Variants in BCKDHB observed in about 807,000 individuals in gnomAD.
The protein encoded by BCKDHB is 2-oxoisovalerate dehydrogenase subunit beta, mitochondrial.
A neutral mutation model predicts 48.5 loss-of-function variants in BCKDHB; 41 were observed. The observed-to-expected ratio is 0.85, with a 90% CI of 0.66 to 1.10. BCKDHB has a LOEUF of 1.10. BCKDHB is among the 50% of genes least tolerant of loss of function. The probability of loss-of-function intolerance (pLI) is 0.00; values close to 1 mark genes in which losing one functional copy is unlikely to be tolerated. For missense variants in BCKDHB, 496 were observed against 494.2 expected, an observed-to-expected ratio of 1.00 and a Z score of -0.03; for synonymous variants, 201 against 174.8, an observed-to-expected ratio of 1.15 and a Z score of -1.18.
chr6:80,115,319 C>T (rs144492849), intron 1 of BCKDHB, among the ~76,000 whole-genome samples: 43 of 152,194 alleles, frequency 2.8e-4, no homozygotes, highest in African/African-American at 8.4e-4. Context: ...GGCCCATTTA[C>T]ATTTTAATAC....
rs534807352 is a variant in BCKDHB, at chr6:80,164,822, G to A, written c.344-2856G>A. On this transcript the variant is annotated intron_variant, in intron 3 of 9. Transcript: ENST00000320393. ...TTTCATCTATCAGGACACTTACAGG[G>A]TACTACAGGAACTTTACATTGGATG... is the stretch of plus-strand genomic sequence containing the variant. 5.9e-5 allele frequency among the ~76,000 whole-genome samples: 9 copies of A among 152,184 alleles called. 1 individual carries two copies. In the South Asian group the frequency reaches 1.5e-3, roughly 25 times the overall value.
At chr6:80,248,527 G>A (rs1776705185) in intron 8 of BCKDHB, among the ~76,000 whole-genome samples, 2 of 152,138 alleles carry the variant, frequency 1.3e-5, no homozygotes, top group South Asian at 4.1e-4. Context: ...GTATTGCTGG[G>A]ATATGGTATG....
chr6:80,258,467 C>T (rs1777151337), intron 8 of BCKDHB, among the ~76,000 whole-genome samples: 1 of 152,234 alleles, frequency 6.6e-6, no homozygotes, highest in Non-Finnish European at 1.5e-5. Context: ...AACATCTTTT[C>T]ATCACTGGCC....
chr6:80,167,550 T>C, intron 3 of BCKDHB, 128 bp from the exon 4 acceptor site: 1 of 1,046,894 alleles, frequency 9.6e-7, no homozygotes, highest in African/African-American at 1.6e-5. Flanking sequence ...CCATACTCTT[T>C]ATTTTCTGTT....
At chr6:80,316,615 A>C (rs1203102248) in intron 9 of BCKDHB, among the ~76,000 whole-genome samples, 1 of 152,196 alleles carries the variant, frequency 6.6e-6, no homozygotes, top group African/African-American at 2.4e-5. Flanking sequence ...CCCACAAGGA[A>C]TTCTTAAAGG....
chr6:80,159,304 AC>A (rs369956555), intron 3 of BCKDHB, among the ~76,000 whole-genome samples: 76 of 152,276 alleles, frequency 5.0e-4, no homozygotes, highest in African/African-American at 1.7e-3. Context: ...ACCCAAAAAA[AC>A]AACAAAAAAA....
chr6:80,379,061 A>T, the BCKDHB span, among the ~76,000 whole-genome samples: 1 of 152,124 alleles, frequency 6.6e-6, no homozygotes, highest in Non-Finnish European at 1.5e-5. Flanking sequence ...CAAAAAATTA[A>T]GGAGTAGGGA....
chr6:80,178,393 A>T (rs1437713076), intron 6 of BCKDHB, among the ~76,000 whole-genome samples: 1 of 152,226 alleles, frequency 6.6e-6, no homozygotes, highest in Non-Finnish European at 1.5e-5. Flanking sequence ...TAGAGAAGAG[A>T]TGCCTCTTTT....
intron 9 of BCKDHB, among the ~76,000 whole-genome samples, chr6:80,325,594 TG>T (rs1338151911): frequency 3.3e-5 from 5 of 152,232 alleles, no homozygotes. Flanking sequence ...AAATGACACA[TG>T]TTTGAGTTAA....
chr6:80,243,354 G>A (rs937825243), intron 8 of BCKDHB, among the ~76,000 whole-genome samples: 4 of 152,170 alleles, frequency 2.6e-5, no homozygotes, highest in African/African-American at 9.6e-5. Flanking sequence ...GAGCCCTATG[G>A]TTCCTGACAT....
intron 3 of BCKDHB, among the ~76,000 whole-genome samples, chr6:80,162,329 A>G (rs767709739): frequency 9.9e-5 from 15 of 152,264 alleles, no homozygotes; most frequent in Non-Finnish European, 1.9e-4. Context: ...TCCATGTACC[A>G]CCATCAATGC....
At chr6:80,217,933 G>T (rs1191543495) in intron 8 of BCKDHB, among the ~76,000 whole-genome samples, 10 of 152,156 alleles carry the variant, frequency 6.6e-5, no homozygotes, top group African/African-American at 1.9e-4. Context: ...CATCAAAGTT[G>T]GGGAGAAAGA....
the BCKDHB span, among the ~76,000 whole-genome samples, chr6:80,441,881 C>A: frequency 6.6e-6 from 1 of 152,026 alleles, no homozygotes; most frequent in African/African-American, 2.4e-5. Flanking sequence ...GTGGCATTTA[C>A]AGTGGAATAG....
chr6:80,423,267 G>A, the BCKDHB span, among the ~76,000 whole-genome samples: 2 of 152,032 alleles, frequency 1.3e-5, no homozygotes, highest in Non-Finnish European at 2.9e-5. Flanking sequence ...AGTTTCCTGA[G>A]GCCTCCTCAG....
chr6:80,382,265 T>A, the BCKDHB span, among the ~76,000 whole-genome samples: 3 of 152,076 alleles, frequency 2.0e-5, no homozygotes, highest in African/African-American at 7.2e-5. Context: ...AGACAAAAAT[T>A]TTGGTTTATA....
At chr6:80,442,890 A>G in the BCKDHB span, among the ~76,000 whole-genome samples, 2 of 152,208 alleles carry the variant, frequency 1.3e-5, no homozygotes, top group East Asian at 3.8e-4. Context: ...AAGAAGGTGC[A>G]TCTCAGCACC....
chr6:80,410,685 A>G, the BCKDHB span, among the ~76,000 whole-genome samples: 6 of 151,986 alleles, frequency 3.9e-5, no homozygotes, highest in South Asian at 2.1e-4. Context: ...ACTTTATTTC[A>G]TTAATTTGAT....
the BCKDHB span, among the ~76,000 whole-genome samples, chr6:80,354,223 A>G: frequency 9.3e-5 from 14 of 150,112 alleles, no homozygotes; most frequent in Non-Finnish European, 1.9e-4. Context: ...GTCTTTATTT[A>G]TTTATTTATT....
At chr6:80,183,661 G>T (rs1773514339) in intron 6 of BCKDHB, among the ~76,000 whole-genome samples, 1 of 152,090 alleles carries the variant, frequency 6.6e-6, no homozygotes, top group African/African-American at 2.4e-5. Context: ...CCTTCTGTGG[G>T]TTGTATGATG....
Sources: allele counts gnomAD v4.1 joint callset (sites outside exome capture counted in the v4.1 genomes callset), GRCh38; gene constraint gnomAD v4.1.1; transcripts MANE v1.5; gene names NCBI Gene and HGNC (gene_info 2026-07-23, HGNC 2026-07-21).